IRAK2: variants seen among roughly 807,000 people sequenced by gnomAD.
IRAK2 encodes interleukin-1 receptor-associated kinase-like 2.
Under a neutral mutation model 72.0 loss-of-function variants are expected in IRAK2, and 57 were observed. The observed-to-expected ratio is 0.79, with a 90% CI of 0.64 to 0.99. The LOEUF is 0.99. Among genes scored for constraint, IRAK2 ranks in the 50% least tolerant of loss-of-function variants. The probability of loss-of-function intolerance (pLI) is 0.00; values close to 1 mark genes in which losing one functional copy is unlikely to be tolerated. For missense variants in IRAK2, 790 were observed against 794.4 expected (o/e 0.99, Z 0.07); for synonymous variants, 293 against 312.7 (o/e 0.94, Z 0.67).
rs1036587707 is a variant in IRAK2, at chr3:10,192,296, G to T, written c.278-8073G>T. ...TTTGACGGGCGTGAAGGGTTGGGGG[G>T]AATTTCCAGAGTGTGCTCACCCAGG... is the stretch of plus-strand genomic sequence containing the variant. On this transcript the variant is annotated intron_variant, in intron 2 of 12. Transcript: ENST00000256458. Among the ~76,000 whole-genome samples, 82 of 152,070 alleles carry T rather than the reference G, an allele frequency of 5.4e-4. 1 individual carries two copies. Among genetic ancestry groups the T allele is most frequent in the Non-Finnish European group, 4.4e-5 (3 of 68,016 alleles).
At chr3:10,185,661 G>C (rs1372383522) in intron 2 of IRAK2, among the ~76,000 whole-genome samples, 1 of 150,798 alleles carries the variant, frequency 6.6e-6, no homozygotes, top group East Asian at 1.9e-4. Flanking sequence ...GATCACTTGA[G>C]GTCAGGAGTT....
At chr3:10,226,776 A>G (rs1418995837) in intron 10 of IRAK2, among the ~76,000 whole-genome samples, 1 of 151,392 alleles carries the variant, frequency 6.6e-6, no homozygotes, top group African/African-American at 2.4e-5. Context: ...AAAAGAAAAA[A>G]CTTACAAAAA....
At chr3:10,209,556 G>A in intron 3 of IRAK2, 33 bp from the exon 4 acceptor site, 1 of 1,411,216 alleles carries the variant, frequency 7.1e-7, no homozygotes, top group Non-Finnish European at 9.6e-7. Context: ...CCTCCCCGAG[G>A]CTGCATCCTG....
intron 12 of IRAK2, 61 bp from the exon 13 acceptor site, chr3:10,242,055 G>C (rs1698068713): frequency 1.1e-6 from 1 of 937,038 alleles, no homozygotes; most frequent in Non-Finnish European, 1.7e-6. Context: ...GTGACTTTAA[G>C]AATTATAATA....
intron 7 of IRAK2, among the ~76,000 whole-genome samples, chr3:10,218,348 C>G (rs534718654): frequency 6.8e-6 from 1 of 146,722 alleles, no homozygotes; most frequent in Admixed American, 7.1e-5. Flanking sequence ...CACTTGAACC[C>G]GGGAGGCAGA....
intron 1 of IRAK2, among the ~76,000 whole-genome samples, chr3:10,174,196 C>T (rs1696838768): frequency 1.3e-5 from 2 of 152,184 alleles, no homozygotes; most frequent in Admixed American, 6.5e-5. Flanking sequence ...ACATCACTTC[C>T]CACTGACCAG....
chr3:10,216,930 C>T lies in IRAK2; in HGVS notation c.789-4C>T, dbSNP rs1697613431. On this transcript the variant is annotated splice_region_variant and splice_polypyrimidine_tract_variant and intron_variant, in intron 6 of 12. Transcript: ENST00000256458. ...CTCACACCTGCACTGACGCCCGATT[C>T]CAGATGCTGCCACCCCAATGTCTTA... 6.2e-7 allele frequency: 1 copy of T among 1,611,476 alleles called. No homozygotes were observed. Among genetic ancestry groups the T allele is most frequent in the Non-Finnish European group, 8.5e-7 (1 of 1,177,744 alleles).
intron 2 of IRAK2, among the ~76,000 whole-genome samples, chr3:10,183,484 G>A (rs1476602614): frequency 2.0e-5 from 3 of 152,192 alleles, no homozygotes; most frequent in Admixed American, 6.5e-5. Flanking sequence ...TTGGGAGGCC[G>A]AGGCGGGCAG....
At chr3:10,169,973 C>T (rs867692309) in intron 1 of IRAK2, among the ~76,000 whole-genome samples, 1 of 152,166 alleles carries the variant, frequency 6.6e-6, no homozygotes, top group South Asian at 2.1e-4. Context: ...ATTCTTCTGC[C>T]GTGGCTTCAG....
At chr3:10,213,148 A>G in intron 4 of IRAK2, 59 bp from the exon 5 acceptor site, 2 of 1,412,562 alleles carry the variant, frequency 1.4e-6, no homozygotes, top group South Asian at 2.4e-5. Context: ...AGGTCCCTTG[A>G]GGTAGCAGAG....
At chr3:10,201,526 T>C (rs1481145275) in intron 3 of IRAK2, among the ~76,000 whole-genome samples, 2 of 152,256 alleles carry the variant, frequency 1.3e-5, no homozygotes, top group Non-Finnish European at 2.9e-5. Flanking sequence ...TAGGAAGTAA[T>C]GTCTGAGCTG....
At chr3:10,188,587 C>T (rs770864184) in intron 2 of IRAK2, among the ~76,000 whole-genome samples, 22 of 152,274 alleles carry the variant, frequency 1.4e-4, no homozygotes, top group South Asian at 8.3e-4. Flanking sequence ...AGTGCAATAG[C>T]GCAATCTCGG....
intron 1 of IRAK2, among the ~76,000 whole-genome samples, chr3:10,173,600 T>C (rs570339320): frequency 1.8e-4 from 27 of 152,232 alleles, no homozygotes; most frequent in African/African-American, 5.1e-4. Flanking sequence ...GGAGGGTGGA[T>C]CACTTGAGCT....
At chr3:10,173,781 C>G (rs1423966531) in intron 1 of IRAK2, among the ~76,000 whole-genome samples, 1 of 152,006 alleles carries the variant, frequency 6.6e-6, no homozygotes, top group Admixed American at 6.6e-5. Flanking sequence ...ACTGAGATCA[C>G]GCCACTGCAC....
intron 1 of IRAK2, 144 bp downstream of exon 1, chr3:10,165,192 G>T: frequency 1.5e-6 from 1 of 667,752 alleles, no homozygotes; most frequent in Non-Finnish European, 2.5e-6. Flanking sequence ...CCTGGACCGG[G>T]TCCGCCGCGG....
intron 9 of IRAK2, among the ~76,000 whole-genome samples, 183 bp from the exon 10 acceptor site, chr3:10,226,188 G>A (rs1295471643): frequency 3.3e-5 from 5 of 152,096 alleles, no homozygotes; most frequent in Non-Finnish European, 5.9e-5. Context: ...GCAGCTTGGT[G>A]GCATCTTTAA....
intron 10 of IRAK2, among the ~76,000 whole-genome samples, chr3:10,230,605 T>G (rs1697845349): frequency 6.6e-6 from 1 of 152,204 alleles, no homozygotes; most frequent in African/African-American, 2.4e-5. Context: ...ATAAGGTCTC[T>G]GCCACCCTGG....
chr3:10,181,247 G>A lies in IRAK2; in HGVS notation c.277+3227G>A, dbSNP rs190831689. ...TGCCCGGTGCTCCTGAGCCGCTGCCGTTCCTCTCCTTACATTCCCCCTGCG... is the reference window on the plus strand; with the variant it reads ...TGCCCGGTGCTCCTGAGCCGCTGCCATTCCTCTCCTTACATTCCCCCTGCG... On this transcript the variant is annotated intron_variant, in intron 2 of 12. Transcript: ENST00000256458. 2.0e-3 allele frequency among the ~76,000 whole-genome samples: 302 copies of A among 152,062 alleles called. 1 individual carries two copies. The highest frequency in any genetic ancestry group is 6.3e-3 in the African/African-American group (260 of 41,438).
At chr3:10,171,963 C>T (rs113921681) in intron 1 of IRAK2, among the ~76,000 whole-genome samples, 2,017 of 150,772 alleles carry the variant, frequency 0.013, 32 homozygotes, top group African/African-American at 0.045. Context: ...ATGGGCTGGG[C>T]GTAGTGGCTC....
Sources: gnomAD v4.1 joint callset for allele counts (sites outside exome capture counted in the v4.1 genomes callset) on GRCh38, gnomAD v4.1.1 for gene constraint, MANE v1.5 for transcripts, NCBI Gene and HGNC (gene_info 2026-07-23, HGNC 2026-07-21) for gene names.